Variants in ATP5PO observed in about 807,000 individuals in gnomAD.
ATP5PO encodes ATP synthase peripheral stalk subunit OSCP.
Under a neutral mutation model 26.2 loss-of-function variants are expected in ATP5PO, and 14 were observed. The ratio of observed to expected loss-of-function variants is 0.53; its 90% CI spans 0.35 to 0.83. ATP5PO has a LOEUF of 0.83. ATP5PO is among the 40% of genes least tolerant of loss of function. The pLI is 0.01. For synonymous variants in ATP5PO, 106 were observed against 95.1 expected (o/e 1.12, Z -0.67); for missense variants, 241 against 258.5 (o/e 0.93, Z 0.46).
intron 5 of ATP5PO, 48 bp downstream of exon 5, chr21:33,907,293 A>G: frequency 6.8e-7 from 1 of 1,477,656 alleles, no homozygotes; most frequent in South Asian, 1.2e-5. Flanking sequence ...GCAAAAGGTG[A>G]CACATGTAAT....
chr21:33,914,561 C>T (rs1187074052), intron 1 of ATP5PO, 61 bp from the exon 2 acceptor site: 2 of 1,506,214 alleles, frequency 1.3e-6, no homozygotes, highest in African/African-American at 1.4e-5. Context: ...CTGCATTTAA[C>T]TCAATAACAA....
chr21:33,914,674 C>G (rs1987291256), intron 1 of ATP5PO, 174 bp from the exon 2 acceptor site: 2 of 556,840 alleles, frequency 3.6e-6, no homozygotes, highest in Non-Finnish European at 6.2e-6. Flanking sequence ...GTAAACTTAC[C>G]CAATGAGGAT....
intron 3 of ATP5PO, among the ~76,000 whole-genome samples, chr21:33,909,504 G>T (rs1302999619): frequency 6.6e-6 from 1 of 152,104 alleles, no homozygotes. Flanking sequence ...GACCTCGAGT[G>T]ATCCACCCAC....
chr21:33,914,531 C>A, intron 1 of ATP5PO, 31 bp from the exon 2 acceptor site: 2 of 1,596,564 alleles, frequency 1.3e-6, no homozygotes, highest in Non-Finnish European at 1.7e-6. Context: ...ATAGATCAAA[C>A]AAAATTACTT....
rs76485786 is a variant in ATP5PO, at chr21:33,911,023, T to A, written c.198+1266A>T. On this transcript the variant is annotated intron_variant, in intron 3 of 6. Transcript: ENST00000290299. Reference sequence around the variant, plus strand: ...CAATAAAAACTTGCAGATATGTGAATTAAAGAATGAAGAATCTTAAAATGA... The same window carrying A: ...CAATAAAAACTTGCAGATATGTGAAATAAAGAATGAAGAATCTTAAAATGA... Among the ~76,000 whole-genome samples, 992 of 152,330 alleles carry A rather than the reference T, an allele frequency of 6.5e-3. 15 individuals carry two copies. The highest frequency in any genetic ancestry group is 0.023 in the African/African-American group (940 of 41,566).
chr21:33,911,662 G>GTTTTTTTTTTTTTTTTTTTTTTTT, intron 3 of ATP5PO, among the ~76,000 whole-genome samples: 1 of 92,080 alleles, frequency 1.1e-5, no homozygotes, highest in African/African-American at 4.1e-5. Context: ...ATAAGCATAG[G>GTTTTTTTTTTTTTTTTTTTTTTTT]TTTTTTTTTT....
rs758627397 is a variant in ATP5PO, at chr21:33,907,410, G to A, written c.372C>T (p.Val124=). Residue 124 remains valine, a synonymous_variant, in exon 5 of 7, where the codon GTC becomes GTT. Coordinates refer to ENST00000290299, the MANE Select transcript of ATP5PO (RefSeq NM_001697.3). Reference sequence around the variant, plus strand: ...TCATCATGGTAGAAAAGGCAGAAACGACTCCTTGGGTATTGCTTAATCGAC... The same window carrying A: ...TCATCATGGTAGAAAAGGCAGAAACAACTCCTTGGGTATTGCTTAATCGAC... ...ENGRLSNTQG[V]VSAFSTMMSV... 2.5e-6 allele frequency: 4 copies of A among 1,613,960 alleles called. No individual in the cohort carries two copies. The South Asian group carries it at 3.3e-5, about 13-fold the overall frequency.
At chr21:33,905,821 A>G (rs1987161756) in intron 5 of ATP5PO, among the ~76,000 whole-genome samples, 1 of 149,136 alleles carries the variant, frequency 6.7e-6, no homozygotes, top group African/African-American at 2.5e-5. Context: ...CTGAGGCAGG[A>G]GAATTGCTTG....
intron 5 of ATP5PO, 81 bp downstream of exon 5, chr21:33,907,260 C>T: frequency 2.4e-6 from 3 of 1,245,050 alleles, no homozygotes; most frequent in Non-Finnish European, 3.5e-6. Flanking sequence ...CTTGATTTTA[C>T]CCTGTTTTTC....
intron 3 of ATP5PO, among the ~76,000 whole-genome samples, chr21:33,909,915 C>T (rs532411288): frequency 5.3e-5 from 8 of 152,314 alleles, no homozygotes; most frequent in South Asian, 4.1e-4. Context: ...CAGAGGCCTC[C>T]GCACCGCTCC....
intron 3 of ATP5PO, among the ~76,000 whole-genome samples, chr21:33,909,541 C>T (rs1043239170): frequency 6.6e-6 from 1 of 152,174 alleles, no homozygotes; most frequent in Non-Finnish European, 1.5e-5. Flanking sequence ...GCTGCGATTA[C>T]AGGCATGAGC....
intron 5 of ATP5PO, 193 bp downstream of exon 5, chr21:33,907,148 G>A: frequency 1.8e-6 from 1 of 565,980 alleles, no homozygotes; most frequent in Non-Finnish European, 3.2e-6. Context: ...GGTTACAGAA[G>A]CACTAATAAG....
At chr21:33,907,534 C>A (rs1167626825) in intron 4 of ATP5PO, 81 bp from the exon 5 acceptor site, 6 of 1,246,956 alleles carry the variant, frequency 4.8e-6, no homozygotes, top group East Asian at 4.7e-5. Flanking sequence ...ACCCAAAAAA[C>A]AAACTTAGAT....
rs1987213681 is a variant in ATP5PO, at chr21:33,909,098, G to A, written c.312C>T (p.Leu104=). The change falls in exon 4 of 7, where the codon CTC becomes CTT. Residue 104 remains leucine (L), a synonymous_variant. Coordinates refer to ENST00000290299, the MANE Select transcript of ATP5PO (RefSeq NM_001697.3). ...DITAKERFSP[L]TTNLINLLAE... is the part of the protein sequence containing the mutation. ...AATACTCACTGATCAGATTGGTAGTGAGGGGAGAGAACCTCTCTTTTGCTG... is the reference window on the plus strand; with the variant it reads ...AATACTCACTGATCAGATTGGTAGTAAGGGGAGAGAACCTCTCTTTTGCTG... The A allele has an allele frequency of 6.2e-7, 1 of 1,611,556 alleles. No individual in the cohort carries two copies. The highest frequency in any genetic ancestry group is 8.5e-7 in the Non-Finnish European group (1 of 1,177,920).
chr21:33,904,376 A>G (rs184637753), intron 5 of ATP5PO, among the ~76,000 whole-genome samples: 270 of 152,050 alleles, frequency 1.8e-3, no homozygotes, highest in African/African-American at 6.3e-3. Context: ...CCATCAATGC[A>G]GGAGGACACA....
intron 5 of ATP5PO, among the ~76,000 whole-genome samples, chr21:33,904,944 C>T (rs1264307373): frequency 6.6e-6 from 1 of 152,076 alleles, no homozygotes; most frequent in African/African-American, 2.4e-5. Flanking sequence ...TTTCACCATG[C>T]TGGTCAGACT....
At chr21:33,906,529 T>G in intron 5 of ATP5PO, 1 of 354,208 alleles carries the variant, frequency 2.8e-6, no homozygotes, top group East Asian at 7.8e-5. Flanking sequence ...TATACTTCTA[T>G]CTCACATGAA....
intron 5 of ATP5PO, among the ~76,000 whole-genome samples, chr21:33,905,049 C>CT (rs1002627769): frequency 1.5e-4 from 23 of 152,150 alleles, no homozygotes; most frequent in African/African-American, 5.1e-4. Context: ...CTAAAAAGGC[C>CT]TTTTTTTAAC....
chr21:33,906,532 C>CACATGAATCTTTTGAT (rs1289706340), intron 5 of ATP5PO: 1 of 356,298 alleles, frequency 2.8e-6, no homozygotes, highest in African/African-American at 2.2e-5. Context: ...ACTTCTATCT[C>CACATGAATCTTTTGAT]ACATGAATCT....
Sources: allele counts gnomAD v4.1 joint callset (sites outside exome capture counted in the v4.1 genomes callset), GRCh38; gene constraint gnomAD v4.1.1; transcripts MANE v1.5; gene names NCBI Gene and HGNC (gene_info 2026-07-23, HGNC 2026-07-21).